Variants in ASTN1 observed in about 807,000 individuals in gnomAD.
The protein encoded by ASTN1 is astrotactin-1.
In ASTN1, 41 loss-of-function variants were observed where a neutral mutation model predicts 140.7. That is an observed-to-expected ratio of 0.29 (90% CI 0.23 to 0.38). The LOEUF (loss-of-function observed/expected upper bound fraction) is 0.38, where lower values mean the gene tolerates loss of function less well. Among genes scored for constraint, ASTN1 ranks in the 10% least tolerant of loss-of-function variants. ASTN1 has a pLI of 1.00. For synonymous variants in ASTN1, 640 were observed against 652.2 expected (o/e 0.98, Z 0.29); for missense variants, 1,479 against 1,678.8 (o/e 0.88, Z 2.08).
At chr1:177,152,967 T>G (rs1429404481) in intron 1 of ASTN1, among the ~76,000 whole-genome samples, 2 of 152,180 alleles carry the variant, frequency 1.3e-5, no homozygotes, top group South Asian at 2.1e-4. Flanking sequence ...ACATCTCAAA[T>G]CAGAGGGGAG....
At position 176,920,402 on chromosome 1, in the gene ASTN1, G is replaced by C. The variant is rs1670676818; in HGVS notation, c.2671+13750C>G. ...TGGTCCAGGCATCCCACATGACCCG[G>C]GGATGGCCTAATCTAGCTGGCCAAA... On this transcript the variant is annotated intron_variant, in intron 16 of 22. Transcript: ENST00000361833. 1.3e-5 allele frequency among the ~76,000 whole-genome samples: 2 copies of C among 152,162 alleles called. 1 individual carries two copies. Among genetic ancestry groups the C allele is most frequent in the South Asian group, 4.1e-4 (2 of 4,838 alleles).
At chr1:177,026,212 T>G (rs11807248) in intron 5 of ASTN1, among the ~76,000 whole-genome samples, 4,711 of 152,258 alleles carry the variant, frequency 0.031, 228 homozygotes, top group African/African-American at 0.11. Flanking sequence ...CCTTGATAGA[T>G]GGAAATATTC....
intron 1 of ASTN1, among the ~76,000 whole-genome samples, chr1:177,071,133 G>A (rs1571739853): frequency 6.6e-6 from 1 of 152,186 alleles, no homozygotes; most frequent in Non-Finnish European, 1.5e-5. Flanking sequence ...ATTTCTGTAA[G>A]TACTCATTAG....
At chr1:177,014,682 A>G in intron 8 of ASTN1, 109 bp downstream of exon 8, 3 of 1,000,258 alleles carry the variant, frequency 3.0e-6, no homozygotes, top group Middle Eastern at 2.3e-4. Context: ...GCTGTTCAGA[A>G]TATAGCCACC....
chr1:177,104,132 C>G (rs1680434812), intron 1 of ASTN1, among the ~76,000 whole-genome samples: 2 of 152,082 alleles, frequency 1.3e-5, no homozygotes, highest in Admixed American at 1.3e-4. Flanking sequence ...AACATCCTAA[C>G]AAGCAGAGCA....
intron 2 of ASTN1, among the ~76,000 whole-genome samples, chr1:177,055,778 C>A (rs537877900): frequency 5.3e-5 from 8 of 152,158 alleles, no homozygotes; most frequent in African/African-American, 1.7e-4. Flanking sequence ...TTAGAGCATC[C>A]TAAGTTGAAT....
chr1:176,945,964 C>T lies in ASTN1; in HGVS notation c.2211G>A (p.Lys737=). 1.2e-6 allele frequency: 2 copies of T among 1,613,714 alleles called. No individual in the cohort carries two copies. The highest frequency in any genetic ancestry group is 3.3e-5 in the Admixed American group (2 of 59,978). ...EMFFGYNNHS[K]EVAAGQVLKG... is the part of the protein sequence containing the mutation. ...TCAGCACCTGTCCGGCAGCCACTTC[C>T]TTGGAATGGTTGTTGTAACCAAAGA... Residue 737 remains lysine (K), a synonymous_variant, in exon 13 of 23, where the codon AAG becomes AAA. Transcript: ENST00000361833.
At chr1:176,991,687 A>C (rs1406790653) in intron 8 of ASTN1, among the ~76,000 whole-genome samples, 1 of 152,186 alleles carries the variant, frequency 6.6e-6, no homozygotes, top group Non-Finnish European at 1.5e-5. Flanking sequence ...TCTAATCTTC[A>C]TAATCCTGCA....
intron 1 of ASTN1, among the ~76,000 whole-genome samples, chr1:177,072,061 A>G (rs6665925): frequency 0.13 from 20,193 of 152,192 alleles, 1,735 homozygotes; most frequent in African/African-American, 0.24. Context: ...TAGAGCTAAT[A>G]AGATGGAGAT....
chr1:177,079,612 C>G (rs1679082983), intron 1 of ASTN1, among the ~76,000 whole-genome samples: 2 of 152,052 alleles, frequency 1.3e-5, no homozygotes, highest in African/African-American at 4.8e-5. Flanking sequence ...CTGCTTCTTT[C>G]TGCCATGCCA....
chr1:176,980,757 G>C (rs904206656), intron 8 of ASTN1, among the ~76,000 whole-genome samples: 10 of 152,086 alleles, frequency 6.6e-5, no homozygotes, highest in Non-Finnish European at 1.3e-4. Context: ...ATGCTTTTAG[G>C]AACATGACAG....
chr1:177,129,755 T>A (rs1398272891), intron 1 of ASTN1, among the ~76,000 whole-genome samples: 1 of 152,002 alleles, frequency 6.6e-6, no homozygotes, highest in African/African-American at 2.4e-5. Flanking sequence ...GATCATGAGG[T>A]CAGAAGATCG....
chr1:177,037,355 C>T (rs1194080419), intron 2 of ASTN1, among the ~76,000 whole-genome samples: 2 of 152,114 alleles, frequency 1.3e-5, no homozygotes, highest in Non-Finnish European at 2.9e-5. Context: ...CAACAATTGT[C>T]CTCTGGATTC....
At chr1:176,970,028 A>G (rs1274370302) in intron 8 of ASTN1, among the ~76,000 whole-genome samples, 1 of 152,200 alleles carries the variant, frequency 6.6e-6, no homozygotes, top group Non-Finnish European at 1.5e-5. Flanking sequence ...TATGCTGAGA[A>G]CTAGTGGTAA....
intron 8 of ASTN1, 91 bp from the exon 9 acceptor site, chr1:176,965,328 C>T: frequency 7.7e-7 from 1 of 1,295,816 alleles, no homozygotes; most frequent in Non-Finnish European, 1.1e-6. Context: ...AGGTGGTAGA[C>T]ACCCAGCCAT....
At chr1:177,114,579 A>C (rs1405082669) in intron 1 of ASTN1, among the ~76,000 whole-genome samples, 1 of 152,192 alleles carries the variant, frequency 6.6e-6, no homozygotes, top group African/African-American at 2.4e-5. Context: ...TATTACAACC[A>C]GGTGATAGAC....
chr1:176,922,618 G>C (rs1034702977), intron 16 of ASTN1, among the ~76,000 whole-genome samples: 3 of 147,996 alleles, frequency 2.0e-5, no homozygotes, highest in Non-Finnish European at 4.5e-5. Context: ...TTTGTTTCCT[G>C]ATCTTTTCCA....
chr1:177,066,204 G>A (rs1233721114), intron 1 of ASTN1, among the ~76,000 whole-genome samples: 4 of 152,164 alleles, frequency 2.6e-5, no homozygotes, highest in African/African-American at 9.7e-5. Context: ...AGGCTTGGGA[G>A]GATTTGATCA....
chr1:177,020,472 T>C (rs228021), intron 7 of ASTN1, among the ~76,000 whole-genome samples: 2 of 152,062 alleles, frequency 1.3e-5, no homozygotes, highest in Non-Finnish European at 2.9e-5. Flanking sequence ...GCTGCTTGAG[T>C]CCTCCTCACA....
Sources: allele counts gnomAD v4.1 joint callset (sites outside exome capture counted in the v4.1 genomes callset), GRCh38; gene constraint gnomAD v4.1.1; transcripts MANE v1.5; gene names NCBI Gene and HGNC (gene_info 2026-07-23, HGNC 2026-07-21).